NEBL: variants seen among roughly 807,000 people sequenced by gnomAD.
NEBL encodes the protein LIM and SH3 protein 2.
A neutral mutation model predicts 140.2 loss-of-function variants in NEBL; 122 were observed. The observed-to-expected ratio is 0.87, with a 90% CI of 0.75 to 1.01. The LOEUF (loss-of-function observed/expected upper bound fraction) is 1.01, where lower values mean the gene tolerates loss of function less well. NEBL is among the 50% of genes least tolerant of loss of function. The probability of loss-of-function intolerance (pLI) is 0.00; values close to 1 mark genes in which losing one functional copy is unlikely to be tolerated. For missense variants in NEBL, 1,365 were observed against 1,231.3 expected, an observed-to-expected ratio of 1.11 and a Z score of -1.62; for synonymous variants, 436 against 398.9, an observed-to-expected ratio of 1.09 and a Z score of -1.11.
intron 2 of NEBL, chr10:21,146,433 G>A: frequency 1.2e-6 from 2 of 1,613,562 alleles, no homozygotes; most frequent in Non-Finnish European, 1.7e-6. Context: ...ATATAAGCTA[G>A]AGGACAGCCA....
intron 1 of NEBL, among the ~76,000 whole-genome samples, chr10:21,172,962 G>C (rs1342887047): frequency 6.6e-6 from 1 of 152,182 alleles, no homozygotes; most frequent in Non-Finnish European, 1.5e-5. Context: ...CTAAAATGCT[G>C]GACCTCGGAC....
chr10:21,074,044 C>T (rs1300930225), intron 2 of NEBL, among the ~76,000 whole-genome samples: 3 of 152,136 alleles, frequency 2.0e-5, no homozygotes, highest in Admixed American at 6.5e-5. Flanking sequence ...CACTGCACTC[C>T]AGCCTGGGCG....
intron 25 of NEBL, 101 bp downstream of exon 25, chr10:20,809,705 T>C: frequency 2.0e-6 from 2 of 994,332 alleles, no homozygotes; most frequent in East Asian, 2.4e-5. Flanking sequence ...TTCTCAGCTT[T>C]AAAATTTACA....
intron 2 of NEBL, among the ~76,000 whole-genome samples, chr10:21,083,677 T>C (rs928964338): frequency 2.0e-5 from 3 of 152,128 alleles, no homozygotes; most frequent in African/African-American, 7.2e-5. Context: ...AAATCCCGTC[T>C]CTACTAAAAA....
Position 20,831,277 on chromosome 10 carries a change from T to G in NEBL, c.1590A>C (p.Glu530Asp). The change falls in exon 16 of 28, where the codon GAA becomes GAC. Residue 530 changes from glutamate to aspartate, a missense_variant. Glu to Asp is a conservative substitution (Grantham distance 45). This residue lies in a region of NEBL where 1,323 missense variants were observed against 1,154.8 expected (regional missense o/e 1.15). Coordinates refer to ENST00000377122, the MANE Select transcript of NEBL (RefSeq NM_006393.3). ...QKQYKKDLENEIKGKGMQVSM... is the reference protein window; with the variant it reads ...QKQYKKDLENDIKGKGMQVSM... ...TCACTTGCATTCCTTTCCCTTTAATTTCATTTTCTAAGTCCTTCTTGTATT... is the reference window on the plus strand; with the variant it reads ...TCACTTGCATTCCTTTCCCTTTAATGTCATTTTCTAAGTCCTTCTTGTATT... 1 of 1,612,870 alleles carries G rather than the reference T, an allele frequency of 6.2e-7. No individual in the cohort carries two copies. The highest frequency in any genetic ancestry group is 8.5e-7 in the Non-Finnish European group (1 of 1,179,262).
At chr10:21,073,826 G>A (rs989431545) in intron 2 of NEBL, among the ~76,000 whole-genome samples, 1 of 152,062 alleles carries the variant, frequency 6.6e-6, no homozygotes, top group African/African-American at 2.4e-5. Flanking sequence ...TGTAATCCCA[G>A]CACTTTGGGA....
intron 3 of NEBL, among the ~76,000 whole-genome samples, chr10:20,964,611 A>G (rs112063870): frequency 2.6e-4 from 40 of 152,292 alleles, no homozygotes; most frequent in African/African-American, 8.7e-4. Flanking sequence ...AACACCTCCC[A>G]TTAGTGCATA....
At chr10:21,137,977 A>T (rs938980966) in intron 2 of NEBL, among the ~76,000 whole-genome samples, 2 of 151,090 alleles carry the variant, frequency 1.3e-5, no homozygotes, top group Non-Finnish European at 3.0e-5. Context: ...GGAAAGGAAG[A>T]AAGGAAGGAA....
chr10:21,275,155 A>G (rs1842904569), intron 1 of NEBL, among the ~76,000 whole-genome samples: 1 of 152,208 alleles, frequency 6.6e-6, no homozygotes, highest in South Asian at 2.1e-4. Context: ...CAACAGCTTT[A>G]TCGCGGCCTC....
chr10:20,833,288 G>A (rs967799109), intron 14 of NEBL, among the ~76,000 whole-genome samples: 1 of 152,154 alleles, frequency 6.6e-6, no homozygotes, highest in East Asian at 1.9e-4. Context: ...ACATGGTCAA[G>A]CCCAGAGATA....
chr10:21,187,135 A>T, intron 3 of NEBL, among the ~76,000 whole-genome samples: 1 of 152,128 alleles, frequency 6.6e-6, no homozygotes, highest in East Asian at 1.9e-4. Flanking sequence ...ATACATACAT[A>T]CATACACACA....
intron 16 of NEBL, among the ~76,000 whole-genome samples, chr10:20,828,957 T>G (rs1003912621): frequency 4.6e-5 from 7 of 152,198 alleles, no homozygotes; most frequent in African/African-American, 1.7e-4. Context: ...AATGAGCTAC[T>G]ATGAGCTCTA....
In NEBL at chr10:20,845,359, T is replaced by G; in HGVS notation, c.1126A>C (p.Lys376Gln). 2 of 1,576,062 alleles carry G rather than the reference T, an allele frequency of 1.3e-6. No individual in the cohort carries two copies. The highest frequency in any genetic ancestry group is 1.7e-6 in the Non-Finnish European group (2 of 1,146,002). ...TTAATCTCCTTCTCAAAATCCTCTT[T>G]GTAAACTTTCTGTTAAATAAGACCA... ...AQKMQSEKVY[K>Q]EDFEKEIKGR... is the part of the protein sequence containing the mutation. The change falls in exon 12 of 28, where the codon AAA becomes CAA. Residue 376 changes from lysine to glutamine, a missense_variant. Transcript: ENST00000377122.
rs529191645 is a variant in NEBL at position 20,872,649 on chromosome 10, A to G, written c.481-2808T>C. On this transcript the variant is annotated intron_variant, in intron 5 of 27. Coordinates refer to ENST00000377122, the MANE Select transcript of NEBL (RefSeq NM_006393.3). Reference sequence around the variant, plus strand: ...GCCATTTTAAGTCACAGAATGAGATAGGAGGTTGGCAAAAGATACATGTCA... The same window carrying G: ...GCCATTTTAAGTCACAGAATGAGATGGGAGGTTGGCAAAAGATACATGTCA... Among the ~76,000 whole-genome samples the G allele has an allele frequency of 2.3e-4, 35 of 152,334 alleles. No individual in the cohort carries two copies. The South Asian group carries it at 6.2e-3, about 27-fold the overall frequency.
rs1352278624 is a variant in NEBL at position 21,184,800 on chromosome 10, T to C, written n.349-12323A>G. The stretch of plus-strand genomic sequence containing the variant: ...TTAAGCGAAAAAGGTTATAAAAACA[T>C]TTGTTCGTGATGATATCATTTTTTG... On this transcript the variant is annotated intron_variant and non_coding_transcript_variant, in intron 3 of 8. Coordinates refer to the NEBL transcript ENST00000675702. 2.0e-5 allele frequency among the ~76,000 whole-genome samples: 3 copies of C among 152,336 alleles called. No individual in the cohort carries two copies. The East Asian group carries it at 5.8e-4, about 29-fold the overall frequency.
intron 17 of NEBL, among the ~76,000 whole-genome samples, chr10:20,827,126 A>C (rs1433235136): frequency 6.6e-6 from 1 of 152,190 alleles, no homozygotes; most frequent in Non-Finnish European, 1.5e-5. Context: ...CAAAAACACA[A>C]GAGTATTTAT....
At chr10:21,003,435 C>T (rs1209043094) in intron 3 of NEBL, among the ~76,000 whole-genome samples, 1 of 152,148 alleles carries the variant, frequency 6.6e-6, no homozygotes, top group Non-Finnish European at 1.5e-5. Context: ...TGCTGGTTTC[C>T]CTAGCATTTT....
chr10:21,050,170 G>C (rs1834708083), intron 2 of NEBL, among the ~76,000 whole-genome samples: 1 of 152,166 alleles, frequency 6.6e-6, no homozygotes, highest in Non-Finnish European at 1.5e-5. Flanking sequence ...GTTTCACCAG[G>C]TAGAGTCTCT....
intron 3 of NEBL, among the ~76,000 whole-genome samples, chr10:21,215,867 T>C (rs923805177): frequency 6.6e-6 from 1 of 152,140 alleles, no homozygotes; most frequent in Non-Finnish European, 1.5e-5. Context: ...GACAGGGTCT[T>C]GCCATGTTGC....
Sources: allele counts gnomAD v4.1 joint callset (sites outside exome capture counted in the v4.1 genomes callset), GRCh38; gene constraint gnomAD v4.1.1; regional missense constraint gnomAD v4.1.1; transcripts MANE v1.5; gene names NCBI Gene and HGNC (gene_info 2026-07-23, HGNC 2026-07-21).